The following FRYL variants were observed in gnomAD, a reference collection of about 807,000 sequenced individuals.
FRYL encodes FRY like transcription coactivator, also known as protein furry homolog-like.
In FRYL, 150 loss-of-function variants were observed where a neutral mutation model predicts 351.2. The ratio of observed to expected loss-of-function variants is 0.43; its 90% CI spans 0.37 to 0.49. The LOEUF (loss-of-function observed/expected upper bound fraction) is 0.49, where lower values mean the gene tolerates loss of function less well. Among genes scored for constraint, FRYL ranks in the 20% least tolerant of loss-of-function variants. The pLI is 0.00. For missense variants in FRYL, 3,036 were observed against 3,619.3 expected, an observed-to-expected ratio of 0.84 and a Z score of 4.13; for synonymous variants, 1,153 against 1,257.1, an observed-to-expected ratio of 0.92 and a Z score of 1.75.
At chr4:48,531,111 G>A (rs756211300) in intron 50 of FRYL, 45 bp downstream of exon 50, 21 of 1,203,810 alleles carry the variant, frequency 1.7e-5, no homozygotes, top group Non-Finnish European at 2.5e-5. Context: ...ATAAACAAAT[G>A]AAAATTCCTA....
chr4:48,715,793 C>G (rs1417351456), intron 1 of FRYL, among the ~76,000 whole-genome samples: 3 of 152,072 alleles, frequency 2.0e-5, no homozygotes, highest in Non-Finnish European at 2.9e-5. Context: ...TCATATGGAA[C>G]CAAAAAAGAG....
At chr4:48,529,743 C>A (rs1727113595) in intron 50 of FRYL, among the ~76,000 whole-genome samples, 1 of 152,178 alleles carries the variant, frequency 6.6e-6, no homozygotes, top group Non-Finnish European at 1.5e-5. Context: ...TTGAAAAGTT[C>A]CTCCCTTGGC....
chr4:48,675,582 G>C (rs1185647370), intron 3 of FRYL, among the ~76,000 whole-genome samples: 1 of 152,228 alleles, frequency 6.6e-6, no homozygotes, highest in Non-Finnish European at 1.5e-5. Context: ...TTCCCGCGGG[G>C]CAGGGCTGGG....
intron 3 of FRYL, among the ~76,000 whole-genome samples, chr4:48,674,505 A>C (rs756118863): frequency 6.6e-6 from 1 of 152,138 alleles, no homozygotes; most frequent in Non-Finnish European, 1.5e-5. Flanking sequence ...AGGGAGGCCA[A>C]GGCGGGTAGA....
chr4:48,505,748 A>G (rs1720769683), intron 59 of FRYL, 133 bp from the exon 60 acceptor site: 1 of 575,934 alleles, frequency 1.7e-6, no homozygotes, highest in East Asian at 2.8e-5. Context: ...TTTTATCTCC[A>G]TTCAAGCCAA....
intron 3 of FRYL, among the ~76,000 whole-genome samples, chr4:48,670,131 A>G (rs1409003193): frequency 6.6e-6 from 1 of 151,996 alleles, no homozygotes; most frequent in Non-Finnish European, 1.5e-5. Context: ...TTTAATGTAC[A>G]ATTAAATTAT....
intron 4 of FRYL, among the ~76,000 whole-genome samples, chr4:48,629,357 G>T (rs1176541698): frequency 6.6e-6 from 1 of 152,174 alleles, no homozygotes; most frequent in African/African-American, 2.4e-5. Context: ...GAACAAAAAG[G>T]ATGGGAGAGG....
rs1250609040 is a variant in FRYL, at chr4:48,743,754, TC to T, written c.-383-33057del. 2.6e-5 allele frequency among the ~76,000 whole-genome samples: 4 copies of T among 152,234 alleles called. No individual in the cohort carries two copies. In the East Asian group the frequency reaches 7.7e-4, roughly 29 times the overall value. ...AGATTACTCTCCAAAAGGGTGGGTT[TC>T]ATCCAATCAGTTGAAGGCCCTGATG... is the stretch of plus-strand genomic sequence containing the variant. On this transcript the variant is annotated intron_variant, in intron 1 of 63. Coordinates refer to ENST00000358350, the MANE Select transcript of FRYL (RefSeq NM_015030.2).
intron 7 of FRYL, among the ~76,000 whole-genome samples, chr4:48,613,639 T>C (rs763451627): frequency 2.6e-5 from 4 of 152,184 alleles, no homozygotes; most frequent in Non-Finnish European, 5.9e-5. Flanking sequence ...GAATATACTA[T>C]GTCCCTAGAT....
intron 52 of FRYL, 138 bp from the exon 53 acceptor site, chr4:48,527,791 C>T: frequency 9.8e-7 from 1 of 1,017,540 alleles, no homozygotes; most frequent in Non-Finnish European, 1.4e-6. Context: ...TCATGTTTAA[C>T]TAGTTGAACA....
At chr4:48,672,137 A>G (rs1195476779) in intron 3 of FRYL, among the ~76,000 whole-genome samples, 3 of 152,196 alleles carry the variant, frequency 2.0e-5, no homozygotes, top group Admixed American at 1.3e-4. Flanking sequence ...AATTTTGTTG[A>G]CAATTTTTTA....
intron 4 of FRYL, among the ~76,000 whole-genome samples, chr4:48,632,118 A>ATATATATATATATC (rs1753315778): frequency 2.2e-5 from 1 of 44,486 alleles, no homozygotes; most frequent in Non-Finnish European, 6.5e-5. Context: ...ATATATATAT[A>ATATATATATATATC]TATATATATA....
intron 43 of FRYL, 68 bp downstream of exon 43, chr4:48,544,715 C>G: frequency 7.4e-7 from 1 of 1,352,372 alleles, no homozygotes; most frequent in Non-Finnish European, 1.0e-6. Context: ...TAACTTTTTG[C>G]TAAGCATTAT....
intron 1 of FRYL, among the ~76,000 whole-genome samples, chr4:48,775,632 C>CA (rs1243533141): frequency 1.3e-5 from 2 of 152,160 alleles, no homozygotes; most frequent in Non-Finnish European, 2.9e-5. Context: ...CCACCATGAA[C>CA]AAATCTACAT....
At chr4:48,575,363 T>C (rs1377039052) in intron 24 of FRYL, 122 bp from the exon 25 acceptor site, 14 of 1,006,126 alleles carry the variant, frequency 1.4e-5, no homozygotes, top group Admixed American at 2.3e-5. Flanking sequence ...CTATGAATGA[T>C]ACCTCAAATT....
At chr4:48,583,883 C>T (rs1373840470) in intron 19 of FRYL, among the ~76,000 whole-genome samples, 1 of 148,066 alleles carries the variant, frequency 6.8e-6, no homozygotes, top group South Asian at 2.1e-4. Context: ...CCAGCCTGGG[C>T]AACAGAGCAA....
At chr4:48,561,778 G>T in intron 32 of FRYL, 142 bp from the exon 33 acceptor site, 1 of 579,992 alleles carries the variant, frequency 1.7e-6, no homozygotes, top group Non-Finnish European at 2.9e-6. Flanking sequence ...ACTTTGGAAG[G>T]CAGAGGTGGG....
chr4:48,609,223 ATTTTACTTTAC>A (rs1747524328), intron 8 of FRYL, among the ~76,000 whole-genome samples, 156 bp from the exon 9 acceptor site: 2 of 152,140 alleles, frequency 1.3e-5, no homozygotes, highest in South Asian at 4.1e-4. Flanking sequence ...TCTATCTTCA[ATTTTACTTTAC>A]TATATTTAAC....
intron 32 of FRYL, 105 bp from the exon 33 acceptor site, chr4:48,561,741 G>A (rs899837707): frequency 1.1e-4 from 93 of 854,194 alleles, no homozygotes; most frequent in Non-Finnish European, 1.4e-4. Flanking sequence ...CCAGCTGAGT[G>A]GAGTGGCTTA....
Sources: gnomAD v4.1 joint callset for allele counts (sites outside exome capture counted in the v4.1 genomes callset) on GRCh38, gnomAD v4.1.1 for gene constraint, MANE v1.5 for transcripts, NCBI Gene and HGNC (gene_info 2026-07-23, HGNC 2026-07-21) for gene names.